The following SAMD5 variants were observed in gnomAD, a reference collection of about 807,000 sequenced individuals.
SAMD5 encodes the protein sterile alpha motif domain containing 5.
Under a neutral mutation model 11.3 loss-of-function variants are expected in SAMD5, and 13 were observed. The observed-to-expected ratio is 1.15, with a 90% CI of 0.75 to 1.83. The LOEUF (loss-of-function observed/expected upper bound fraction) is 1.83, where lower values mean the gene tolerates loss of function less well. Among genes scored for constraint, SAMD5 ranks in the 40% most tolerant of loss-of-function variants. SAMD5 has a pLI of 0.00. For synonymous variants in SAMD5, 129 were observed against 111.3 expected, an observed-to-expected ratio of 1.16 and a Z score of -1.00; for missense variants, 255 against 239.1, an observed-to-expected ratio of 1.07 and a Z score of -0.44.
downstream of SAMD5, among the ~76,000 whole-genome samples, chr6:147,738,883 CT>C (rs1265755742): frequency 6.6e-6 from 1 of 152,152 alleles, no homozygotes; most frequent in African/African-American, 2.4e-5. Flanking sequence ...AATTCAAAAC[CT>C]TTTCCTTGAC....
intron 1 of SAMD5, among the ~76,000 whole-genome samples, chr6:147,600,844 C>T (rs1261009113): frequency 1.3e-5 from 2 of 152,162 alleles, no homozygotes; most frequent in Non-Finnish European, 2.9e-5. Flanking sequence ...TGAGATGAGG[C>T]TATCTCGAAT....
chr6:147,680,806 AT>A (rs1228154254), intron 1 of SAMD5, among the ~76,000 whole-genome samples: 1 of 152,146 alleles, frequency 6.6e-6, no homozygotes, highest in Non-Finnish European at 1.5e-5. Context: ...CATGATTAAA[AT>A]TTGGATGTTA....
chr6:147,866,017 T>C, the SAMD5 span, among the ~76,000 whole-genome samples: 2 of 152,224 alleles, frequency 1.3e-5, no homozygotes, highest in South Asian at 4.1e-4. Flanking sequence ...CTTTATGTTT[T>C]TAATAGCACT....
the SAMD5 span, among the ~76,000 whole-genome samples, chr6:147,922,154 C>T: frequency 4.6e-5 from 7 of 152,172 alleles, no homozygotes; most frequent in South Asian, 4.1e-4. Flanking sequence ...CCCCAGGGCC[C>T]GTGTGTGTCT....
the SAMD5 span, among the ~76,000 whole-genome samples, chr6:147,907,667 A>G: frequency 6.6e-6 from 1 of 152,170 alleles, no homozygotes; most frequent in East Asian, 1.9e-4. Flanking sequence ...CAGGGGTGGG[A>G]GGAATCTTTT....
chr6:147,862,409 C>T, the SAMD5 span, among the ~76,000 whole-genome samples: 1 of 152,100 alleles, frequency 6.6e-6, no homozygotes, highest in East Asian at 1.9e-4. Context: ...GAGTCTGGTT[C>T]TCCTTTATAT....
chr6:147,793,011 A>AG, the SAMD5 span, among the ~76,000 whole-genome samples: 1 of 152,200 alleles, frequency 6.6e-6, no homozygotes, highest in African/African-American at 2.4e-5. Context: ...CCCTCAAAAT[A>AG]GAGCATATAT....
chr6:147,850,947 CTT>C, the SAMD5 span, among the ~76,000 whole-genome samples: 25 of 133,402 alleles, frequency 1.9e-4, no homozygotes, highest in African/African-American at 1.7e-4. Context: ...TATAATTGTT[CTT>C]TTTTTTTTTT....
intron 1 of SAMD5, among the ~76,000 whole-genome samples, chr6:147,641,717 G>A (rs1374080628): frequency 2.0e-5 from 3 of 152,042 alleles, no homozygotes; most frequent in African/African-American, 7.2e-5. Context: ...ACATCCAGCG[G>A]TCTCAAAACT....
At chr6:147,937,279 G>T in the SAMD5 span, among the ~76,000 whole-genome samples, 2 of 152,144 alleles carry the variant, frequency 1.3e-5, no homozygotes, top group Non-Finnish European at 2.9e-5. Flanking sequence ...TGTTCTTGTT[G>T]ACTAAGAGAT....
intron 1 of SAMD5, among the ~76,000 whole-genome samples, chr6:147,716,604 G>A (rs1791470984): frequency 6.6e-6 from 1 of 152,228 alleles, no homozygotes; most frequent in Non-Finnish European, 1.5e-5. Context: ...CTCATAAGGA[G>A]GTGGGGCTTC....
At chr6:147,753,765 A>C in the SAMD5 span, among the ~76,000 whole-genome samples, 2 of 151,978 alleles carry the variant, frequency 1.3e-5, no homozygotes, top group Admixed American at 1.3e-4. Flanking sequence ...CATGAGTTCA[A>C]CAGTTTTAAT....
At chr6:147,864,312 G>A in the SAMD5 span, among the ~76,000 whole-genome samples, 2 of 152,190 alleles carry the variant, frequency 1.3e-5, no homozygotes, top group African/African-American at 4.8e-5. Context: ...CAGCCTCTAA[G>A]TGTACTTAAA....
In SAMD5 at chr6:147,567,207, C is replaced by T. The variant is rs1789055453; in HGVS notation, c.*2751C>T. On this transcript the variant is annotated 3_prime_UTR_variant, in exon 2 of 2. Coordinates refer to ENST00000367474, the MANE Select transcript of SAMD5 (RefSeq NM_001030060.3). ...AAGGCGTAATGTTAAGGGCTTCTTC[C>T]TTACCCAAGTGGGAGCTGAACCAGT... 1 of 985,216 alleles carries T rather than the reference C, an allele frequency of 1.0e-6. No individual in the cohort carries two copies. Among genetic ancestry groups the T allele is most frequent in the Admixed American group, 6.1e-5 (1 of 16,266 alleles). The allele number at this position is 985,216 out of a possible 1,614,324, so 61.0% of individuals were successfully genotyped here. A position where few individuals can be genotyped will look rare whatever the true frequency, so the allele number is the denominator to read the frequency against.
rs1423111100 is a variant in SAMD5, at chr6:147,568,260, C to A, written c.*3804C>A. The A allele has an allele frequency of 1.0e-6, 1 of 985,242 alleles. No homozygotes were observed. Among genetic ancestry groups the A allele is most frequent in the African/African-American group, 1.7e-5 (1 of 57,186 alleles). The allele number at this position is 985,242 out of a possible 1,614,324, so 61.0% of individuals were successfully genotyped here. Reference sequence around the variant, plus strand: ...CAGATATACCAGGGACTGGAAAGCACCTGCTTGAAAATTGATATGAGCATG... The same window carrying A: ...CAGATATACCAGGGACTGGAAAGCAACTGCTTGAAAATTGATATGAGCATG... On this transcript the variant is annotated 3_prime_UTR_variant, in exon 2 of 2. Coordinates refer to ENST00000367474, the MANE Select transcript of SAMD5 (RefSeq NM_001030060.3).
chr6:147,526,329 G>A (rs1433249173), intron 1 of SAMD5, among the ~76,000 whole-genome samples: 5 of 152,206 alleles, frequency 3.3e-5, no homozygotes, highest in African/African-American at 9.7e-5. Flanking sequence ...AAGCACTGTT[G>A]GGGTGATGCG....
intron 1 of SAMD5, among the ~76,000 whole-genome samples, chr6:147,553,217 C>T (rs1351754268): frequency 1.3e-5 from 2 of 152,112 alleles, no homozygotes; most frequent in East Asian, 1.9e-4. Context: ...GGAACTGAAG[C>T]GGAGAATGGT....
chr6:147,780,224 A>G, the SAMD5 span, among the ~76,000 whole-genome samples: 1 of 151,232 alleles, frequency 6.6e-6, no homozygotes, highest in Non-Finnish European at 1.5e-5. Context: ...TTTTTAAGAC[A>G]GAGTCTCGCT....
chr6:147,944,984 A>G, the SAMD5 span, among the ~76,000 whole-genome samples: 1 of 152,118 alleles, frequency 6.6e-6, no homozygotes, highest in South Asian at 2.1e-4. Context: ...ATATTCCGCA[A>G]CTGAGATATA....
Sources: allele counts gnomAD v4.1 joint callset (sites outside exome capture counted in the v4.1 genomes callset), GRCh38; gene constraint gnomAD v4.1.1; transcripts MANE v1.5; gene names NCBI Gene and HGNC (gene_info 2026-07-23, HGNC 2026-07-21).